Variants in ABLIM2 observed in about 807,000 individuals in gnomAD.
The protein encoded by ABLIM2 is actin-binding LIM protein 2.
ABLIM2 carries 53 observed loss-of-function variants against 97.7 expected under a neutral mutation model. The observed-to-expected ratio is 0.54, with a 90% CI of 0.44 to 0.68. The LOEUF (loss-of-function observed/expected upper bound fraction) is 0.68. Ranked by LOEUF, ABLIM2 falls within the 30% of genes least tolerant of loss-of-function variation. The pLI, the probability that ABLIM2 is intolerant of heterozygous loss-of-function variation, is 0.00. For synonymous variants in ABLIM2, 361 were observed against 345.8 expected (o/e 1.04, Z -0.49); for missense variants, 835 against 867.2 (o/e 0.96, Z 0.47).
rs1213354132 is a variant in ABLIM2, at chr4:8,071,377, C to A, written c.675+6251G>T. 2.0e-5 allele frequency among the ~76,000 whole-genome samples: 3 copies of A among 152,164 alleles called. No individual in the cohort carries two copies. The highest frequency in any genetic ancestry group is 4.4e-5 in the Non-Finnish European group (3 of 68,028). Reference sequence around the variant, plus strand: ...CACCCAGAGATGGGTGGGATGCAGGCCAACATGCATGAGGGTGCTGCACGT... The same window carrying A: ...CACCCAGAGATGGGTGGGATGCAGGACAACATGCATGAGGGTGCTGCACGT... On this transcript the variant is annotated intron_variant, in intron 6 of 20. Transcript: ENST00000447017. This position sits in a 1 kb window ranked among gnomAD's most constrained non-coding sequence, Gnocchi z 6.2.
At chr4:8,010,349 T>G in intron 14 of ABLIM2, 3 of 984,814 alleles carry the variant, frequency 3.0e-6, no homozygotes, top group Non-Finnish European at 3.6e-6. Context: ...CACTGAACAA[T>G]TACACAAAAA....
At chr4:8,064,304 A>C (rs1314461328) in intron 6 of ABLIM2, among the ~76,000 whole-genome samples, 2 of 152,192 alleles carry the variant, frequency 1.3e-5, no homozygotes, top group Non-Finnish European at 2.9e-5. Flanking sequence ...GGCAGTATTG[A>C]GAGGGGGGCC....
chr4:8,126,939 C>A (rs1394933377), intron 1 of ABLIM2, among the ~76,000 whole-genome samples: 1 of 151,978 alleles, frequency 6.6e-6, no homozygotes, highest in Non-Finnish European at 1.5e-5. Flanking sequence ...TGGTGGCGTG[C>A]ACCTTAGTTT....
chr4:8,146,997 C>T (rs1043417127), intron 1 of ABLIM2, among the ~76,000 whole-genome samples: 8 of 152,194 alleles, frequency 5.3e-5, no homozygotes, highest in African/African-American at 1.4e-4. Context: ...CAGTGTTCTG[C>T]GGTTGGACAT....
At chr4:8,034,369 G>A (rs904700566) in intron 10 of ABLIM2, among the ~76,000 whole-genome samples, 4 of 150,594 alleles carry the variant, frequency 2.7e-5, no homozygotes, top group Admixed American at 1.3e-4. Context: ...ATGGGTGCAG[G>A]GGGGTGTGTG....
rs181570170 is a variant in ABLIM2 at position 8,043,989 on chromosome 4, G to C, written c.900+1175C>G. ...CAGAGTGCACATCCCAAGCGCCACA[G>C]TGCCACTCACTCTCCAGGCCAGCAG... On this transcript the variant is annotated intron_variant, in intron 9 of 20. Coordinates refer to ENST00000447017, the MANE Select transcript of ABLIM2 (RefSeq NM_001130083.2). This position sits in a 1 kb window ranked among gnomAD's most constrained non-coding sequence, Gnocchi z 4.8. Among the ~76,000 whole-genome samples the C allele has an allele frequency of 6.6e-6, 1 of 152,184 alleles. No homozygotes were observed. Among genetic ancestry groups the C allele is most frequent in the African/African-American group, 2.4e-5 (1 of 41,448 alleles).
chr4:7,967,299 T>G (rs1026853967), intron 20 of ABLIM2, among the ~76,000 whole-genome samples, 196 bp from the exon 21 acceptor site: 2 of 152,180 alleles, frequency 1.3e-5, no homozygotes, highest in Admixed American at 6.5e-5. Flanking sequence ...ACAGCGACCC[T>G]GCCAGGGACA....
At position 8,006,851 on chromosome 4, in the gene ABLIM2, C is replaced by A. The variant is rs866022830; in HGVS notation, c.1618+1208G>T. 4.6e-5 allele frequency among the ~76,000 whole-genome samples: 7 copies of A among 151,928 alleles called. No individual in the cohort carries two copies. The South Asian group carries it at 1.5e-3, about 31-fold the overall frequency. ...GGAGCAGGCTGCCATCTGGGGTGAACCCCTCTCCCTCTGGGGGATTTTTGC... is the reference window on the plus strand; with the variant it reads ...GGAGCAGGCTGCCATCTGGGGTGAAACCCTCTCCCTCTGGGGGATTTTTGC... On this transcript the variant is annotated intron_variant, in intron 16 of 20. Transcript: ENST00000447017.
chr4:8,142,887 C>T (rs760921260), intron 1 of ABLIM2, among the ~76,000 whole-genome samples: 81 of 152,186 alleles, frequency 5.3e-4, no homozygotes, highest in Non-Finnish European at 9.4e-4. Context: ...CCTTGAGGAA[C>T]CTCAGGTCTG....
At chr4:8,094,581 A>C (rs1040718905) in intron 3 of ABLIM2, among the ~76,000 whole-genome samples, 3 of 152,222 alleles carry the variant, frequency 2.0e-5, no homozygotes, top group African/African-American at 7.2e-5. Flanking sequence ...TTTTCTATAC[A>C]ATATCTGGAA....
At chr4:8,048,313 G>A (rs1479063449) in intron 8 of ABLIM2, among the ~76,000 whole-genome samples, 3 of 152,236 alleles carry the variant, frequency 2.0e-5, no homozygotes, top group Non-Finnish European at 4.4e-5. Context: ...CCAGGCCCCA[G>A]TACAAGCGCC....
intron 18 of ABLIM2, among the ~76,000 whole-genome samples, chr4:7,984,033 C>A (rs1560411984): frequency 6.6e-6 from 1 of 152,236 alleles, no homozygotes; most frequent in Non-Finnish European, 1.5e-5. Flanking sequence ...GCTCTGCCCC[C>A]TAATGTCTTA....
chr4:8,095,037 C>A lies in ABLIM2; in HGVS notation c.338+2062G>T, dbSNP rs1034089993. 9.9e-5 allele frequency among the ~76,000 whole-genome samples: 12 copies of A among 121,386 alleles called. No homozygotes were observed. Among genetic ancestry groups the A allele is most frequent in the Non-Finnish European group, 1.8e-4 (10 of 55,512 alleles). 79.6% of individuals were successfully genotyped at this position (121,386 alleles called of 152,430 possible). A position where few individuals can be genotyped will look rare whatever the true frequency, so the allele number is the denominator to read the frequency against. On this transcript the variant is annotated intron_variant, in intron 3 of 20. Transcript: ENST00000447017. The surrounding 1 kb of genome is among the most constrained non-coding windows in gnomAD (Gnocchi z 4.7). ...CTCTCTCTCTCCCCCCACTTCTTTCCTTCCTTCCTTCTTTCTTTCTTTCTC... is the reference window on the plus strand; with the variant it reads ...CTCTCTCTCTCCCCCCACTTCTTTCATTCCTTCCTTCTTTCTTTCTTTCTC...
chr4:8,063,267 T>C (rs1804639210), intron 6 of ABLIM2, among the ~76,000 whole-genome samples: 1 of 152,136 alleles, frequency 6.6e-6, no homozygotes, highest in Non-Finnish European at 1.5e-5. Context: ...GGTTTCACCA[T>C]TGTTGGCCAG....
chr4:7,982,569 C>T (rs1435169951), intron 20 of ABLIM2, among the ~76,000 whole-genome samples: 4 of 152,208 alleles, frequency 2.6e-5, no homozygotes, highest in Non-Finnish European at 5.9e-5. Context: ...GACACCTTGC[C>T]GGTGCTTAGA....
chr4:8,040,403 G>A (rs956484188), intron 9 of ABLIM2, among the ~76,000 whole-genome samples: 1 of 152,102 alleles, frequency 6.6e-6, no homozygotes, highest in Admixed American at 6.5e-5. Flanking sequence ...CTGAGGCCAG[G>A]AGTTTGAGAC....
rs1342948453 is a variant in ABLIM2 at position 8,128,682 on chromosome 4, C to T, written c.11-22045G>A. Among the ~76,000 whole-genome samples the T allele has an allele frequency of 6.6e-6, 1 of 152,148 alleles. No homozygotes were observed. The highest frequency in any genetic ancestry group is 1.5e-5 in the Non-Finnish European group (1 of 68,032). ...CTGCCGTGGATTGAATGTGGTGTCC[C>T]CTCCCCAGACTCACATGCTGATATC... On this transcript the variant is annotated intron_variant, in intron 1 of 20. Transcript: ENST00000447017. The surrounding 1 kb of genome is among the most constrained non-coding windows in gnomAD (Gnocchi z 4.9).
Position 8,067,994 on chromosome 4 carries a change from C to T in ABLIM2, c.676-6940G>A, listed in dbSNP as rs73216479. ...GAACCAGTGGGTCACAGGCGGCCAT[C>T]GATGGGCTGATGGAGTCAAAAATTA... On this transcript the variant is annotated intron_variant, in intron 6 of 20. Transcript: ENST00000447017. This position sits in a 1 kb window ranked among gnomAD's most constrained non-coding sequence, Gnocchi z 5.4. Among the ~76,000 whole-genome samples the T allele has an allele frequency of 6.6e-6, 1 of 152,156 alleles. No homozygotes were observed. Among genetic ancestry groups the T allele is most frequent in the Non-Finnish European group, 1.5e-5 (1 of 68,028 alleles).
At chr4:8,006,186 T>C (rs1447185895) in intron 16 of ABLIM2, among the ~76,000 whole-genome samples, 1 of 152,108 alleles carries the variant, frequency 6.6e-6, no homozygotes, top group Non-Finnish European at 1.5e-5. Context: ...GTGCACGAGG[T>C]GAAGGCCACA....
Sources: gnomAD v4.1 joint callset for allele counts (sites outside exome capture counted in the v4.1 genomes callset) on GRCh38, gnomAD v4.1.1 for gene constraint, Gnocchi (gnomAD v3.1) non-coding constraint, MANE v1.5 for transcripts, NCBI Gene and HGNC (gene_info 2026-07-23, HGNC 2026-07-21) for gene names.